TBCEL: variants seen among roughly 807,000 people sequenced by gnomAD.
The protein encoded by TBCEL is tubulin folding cofactor E like, also known as tubulin-specific chaperone cofactor E-like protein.
A neutral mutation model predicts 44.2 loss-of-function variants in TBCEL; 15 were observed. That is an observed-to-expected ratio of 0.34 (90% CI 0.23 to 0.52). The LOEUF is 0.52. Ranked by LOEUF, TBCEL falls within the 20% of genes least tolerant of loss-of-function variation. The pLI is 0.95. For missense variants in TBCEL, 319 were observed against 506.3 expected, an observed-to-expected ratio of 0.63 and a Z score of 3.55; for synonymous variants, 171 against 185.4, an observed-to-expected ratio of 0.92 and a Z score of 0.63.
intron 4 of TBCEL, among the ~76,000 whole-genome samples, chr11:121,050,384 T>C (rs1945508578): frequency 6.6e-6 from 1 of 151,748 alleles, no homozygotes; most frequent in Non-Finnish European, 1.5e-5. Flanking sequence ...ATATTATAGG[T>C]TATGAGTAAC....
intron 8 of TBCEL, among the ~76,000 whole-genome samples, chr11:121,079,864 G>T (rs910660402): frequency 6.6e-6 from 1 of 152,116 alleles, no homozygotes. Context: ...ACCCAGGCTG[G>T]AGTGCAGTGG....
intron 4 of TBCEL, among the ~76,000 whole-genome samples, chr11:121,048,808 A>G (rs1262916031): frequency 6.6e-6 from 1 of 151,850 alleles, no homozygotes; most frequent in African/African-American, 2.4e-5. Context: ...GCAGCTCATG[A>G]TAAACTCAAA....
intron 6 of TBCEL, among the ~76,000 whole-genome samples, chr11:121,057,957 T>A (rs1210357777): frequency 6.6e-6 from 1 of 151,878 alleles, no homozygotes; most frequent in African/African-American, 2.4e-5. Context: ...ATAGTTTTAT[T>A]CCATGAGTCT....
At chr11:121,057,490 G>T (rs1945642158) in intron 6 of TBCEL, 7 of 371,214 alleles carry the variant, frequency 1.9e-5, no homozygotes, top group Admixed American at 1.1e-4. Flanking sequence ...TTTTGTTTTT[G>T]TTTGTTTTAA....
At chr11:121,061,387 A>G (rs1198690866) in intron 8 of TBCEL, among the ~76,000 whole-genome samples, 1 of 151,998 alleles carries the variant, frequency 6.6e-6, no homozygotes, top group Admixed American at 6.6e-5. Flanking sequence ...ACACACACAT[A>G]CACATATATA....
chr11:121,068,169 T>C (rs913086790), intron 8 of TBCEL, among the ~76,000 whole-genome samples: 3 of 152,216 alleles, frequency 2.0e-5, no homozygotes, highest in African/African-American at 7.2e-5. Context: ...GCTGCCTGCT[T>C]GATGCCTCTG....
chr11:121,074,676 T>C (rs1476007721), intron 8 of TBCEL, among the ~76,000 whole-genome samples: 2 of 151,920 alleles, frequency 1.3e-5, no homozygotes, highest in Non-Finnish European at 2.9e-5. Flanking sequence ...ACCACCAATA[T>C]AATCAGAATA....
At position 121,060,058 on chromosome 11, in the gene TBCEL, A is replaced by G. The variant is rs1451038219; in HGVS notation, c.929A>G (p.Asp310Gly). The G allele has an allele frequency of 6.2e-7, 1 of 1,611,518 alleles. No individual in the cohort carries two copies. Among genetic ancestry groups the G allele is most frequent in the Non-Finnish European group, 8.5e-7 (1 of 1,178,430 alleles). The change falls in exon 8 of 9, where the codon GAT becomes GGT. Residue 310 changes from aspartate to glycine, a missense_variant. By Grantham distance (94) the Asp-to-Gly change is moderately conservative. Coordinates refer to ENST00000683345, the MANE Select transcript of TBCEL (RefSeq NM_001363644.2). ...AGATTTTTTATTCGTTACTATGTGG[A>G]TGTTCCACAGGAAGAAGTGCCATTC... ...SERFFIRYYV[D>G]VPQEEVPFRY...
chr11:121,062,578 G>T (rs1945744524), intron 8 of TBCEL, among the ~76,000 whole-genome samples: 1 of 152,066 alleles, frequency 6.6e-6, no homozygotes, highest in Non-Finnish European at 1.5e-5. Flanking sequence ...TCTTCATGTG[G>T]CACCTAACTG....
At chr11:121,056,390 G>A (rs1299281846) in intron 6 of TBCEL, among the ~76,000 whole-genome samples, 2 of 151,754 alleles carry the variant, frequency 1.3e-5, no homozygotes, top group Non-Finnish European at 2.9e-5. Flanking sequence ...ACTTACTGAA[G>A]GACATCTTGG....
At chr11:121,070,959 A>G (rs1453252729) in intron 8 of TBCEL, among the ~76,000 whole-genome samples, 1 of 152,162 alleles carries the variant, frequency 6.6e-6, no homozygotes, top group African/African-American at 2.4e-5. Context: ...ATTAAGACTG[A>G]ATTTCACTCT....
Position 121,062,203 on chromosome 11 carries a change from A to C in TBCEL, c.956+2118A>C, listed in dbSNP as rs574707414. On this transcript the variant is annotated intron_variant, in intron 8 of 8. Transcript: ENST00000683345. The stretch of plus-strand genomic sequence containing the variant: ...TTTCTCACTAGAAGGTCATCAGGGC[A>C]GTGACATATATGGAGTCTTTATCTC... Among the ~76,000 whole-genome samples the C allele has an allele frequency of 1.0e-3, 153 of 152,204 alleles. 1 individual carries two copies. Among genetic ancestry groups the C allele is most frequent in the Admixed American group, 9.0e-3 (137 of 15,280 alleles).
At chr11:121,071,886 A>T (rs1163378014) in intron 8 of TBCEL, among the ~76,000 whole-genome samples, 1 of 152,100 alleles carries the variant, frequency 6.6e-6, no homozygotes, top group Admixed American at 6.5e-5. Context: ...CAGACAGAGG[A>T]CCTGCTGTTG....
chr11:121,034,969 A>G (rs781421577), intron 1 of TBCEL, among the ~76,000 whole-genome samples: 3 of 152,196 alleles, frequency 2.0e-5, no homozygotes, highest in Non-Finnish European at 2.9e-5. Context: ...GAGGAATAGC[A>G]TAAGTGTCAG....
In TBCEL at chr11:121,090,039, T is replaced by C. The variant is rs534846428; in HGVS notation, c.*2943T>C. On this transcript the variant is annotated 3_prime_UTR_variant, in exon 9 of 9. Coordinates refer to ENST00000683345, the MANE Select transcript of TBCEL (RefSeq NM_001363644.2). ...CCAGAGTCACATATCTTTTTTATTATCAAGTTTTTGCAGCCTTTTGCCAGC... is the reference window on the plus strand; with the variant it reads ...CCAGAGTCACATATCTTTTTTATTACCAAGTTTTTGCAGCCTTTTGCCAGC... 8.5e-5 allele frequency: 13 copies of C among 152,310 alleles called. No individual in the cohort carries two copies. The highest frequency in any genetic ancestry group is 2.9e-4 in the African/African-American group (12 of 41,566). The allele number at this position is 152,310 out of a possible 1,614,324, so 9.4% of individuals were successfully genotyped here.
intron 6 of TBCEL, among the ~76,000 whole-genome samples, chr11:121,056,448 G>C (rs762337061): frequency 5.9e-5 from 9 of 151,818 alleles, no homozygotes; most frequent in Non-Finnish European, 1.3e-4. Context: ...GTAAACATCT[G>C]TATGCAAGTT....
In TBCEL at chr11:121,087,702, T is replaced by A. The variant is rs1464956509; in HGVS notation, c.*606T>A. ...CCCTTTTGAAATAATTGAAAGTGTT[T>A]TAAGCATTTTTAACCTGATTCTAAT... On this transcript the variant is annotated 3_prime_UTR_variant, in exon 9 of 9. Transcript: ENST00000683345. 6.6e-6 allele frequency: 1 copy of A among 152,384 alleles called. No homozygotes were observed. Among genetic ancestry groups the A allele is most frequent in the Admixed American group, 6.5e-5 (1 of 15,276 alleles). 9.4% of individuals were successfully genotyped at this position (152,384 alleles called of 1,614,324 possible).
chr11:121,039,486 G>C (rs564611734), intron 2 of TBCEL, among the ~76,000 whole-genome samples: 1 of 152,316 alleles, frequency 6.6e-6, no homozygotes, highest in East Asian at 1.9e-4. Flanking sequence ...GCTTAGCATA[G>C]TGTTTGGCGT....
chr11:121,026,686 G>T (rs1440225873), intron 1 of TBCEL, among the ~76,000 whole-genome samples: 1 of 152,152 alleles, frequency 6.6e-6, no homozygotes, highest in Non-Finnish European at 1.5e-5. Flanking sequence ...GGTACTGATA[G>T]AGGCGTTATG....
Sources: allele counts gnomAD v4.1 joint callset (sites outside exome capture counted in the v4.1 genomes callset), GRCh38; gene constraint gnomAD v4.1.1; transcripts MANE v1.5; gene names NCBI Gene and HGNC (gene_info 2026-07-23, HGNC 2026-07-21).